The following VPS37A variants were observed in gnomAD, a reference collection of about 807,000 sequenced individuals.
VPS37A encodes VPS37A subunit of ESCRT-I.
In VPS37A, 30 loss-of-function variants were observed where a neutral mutation model predicts 49.8. The observed-to-expected ratio is 0.60, with a 90% confidence interval of 0.45 to 0.82. The LOEUF (loss-of-function observed/expected upper bound fraction) is 0.82. Among genes scored for constraint, VPS37A ranks in the 40% least tolerant of loss-of-function variants. VPS37A has a pLI of 0.00. For missense variants in VPS37A, 593 were observed against 464.4 expected, an observed-to-expected ratio of 1.28 and a Z score of -2.55; for synonymous variants, 195 against 160.6, an observed-to-expected ratio of 1.21 and a Z score of -1.62.
chr8:17,265,064 C>T (rs1295409287), intron 1 of VPS37A, among the ~76,000 whole-genome samples: 1 of 152,136 alleles, frequency 6.6e-6, no homozygotes, highest in Non-Finnish European at 1.5e-5. Flanking sequence ...AAAGCAAATT[C>T]AGAGTTTGAC....
intron 9 of VPS37A, among the ~76,000 whole-genome samples, chr8:17,281,698 C>G (rs907346377): frequency 6.6e-6 from 1 of 151,706 alleles, no homozygotes; most frequent in Admixed American, 6.6e-5. Flanking sequence ...AGTTGTTTAC[C>G]AAAAATAAAC....
intron 11 of VPS37A, among the ~76,000 whole-genome samples, chr8:17,293,346 T>A (rs2150433168): frequency 6.6e-6 from 1 of 152,184 alleles, no homozygotes; most frequent in South Asian, 2.1e-4. Context: ...ATTATTCTAG[T>A]TAGCAATTCT....
At chr8:17,254,142 C>T (rs1482092361) in intron 1 of VPS37A, among the ~76,000 whole-genome samples, 7 of 151,960 alleles carry the variant, frequency 4.6e-5, no homozygotes, top group African/African-American at 1.2e-4. Flanking sequence ...ATGACGTTCT[C>T]GTTTCTGTAT....
chr8:17,270,609 A>G (rs535055955), intron 4 of VPS37A, among the ~76,000 whole-genome samples: 1 of 152,010 alleles, frequency 6.6e-6, no homozygotes, highest in African/African-American at 2.4e-5. Flanking sequence ...AGTCACCTAG[A>G]TCCACCCAGA....
At position 17,296,451 on chromosome 8, in the gene VPS37A, T is replaced by A. The variant is rs1217145078; in HGVS notation, c.*1465T>A. 6.6e-6 allele frequency: 1 copy of A among 152,154 alleles called. No individual in the cohort carries two copies. Among genetic ancestry groups the A allele is most frequent in the African/African-American group, 2.4e-5 (1 of 41,440 alleles). 9.4% of individuals were successfully genotyped at this position (152,154 alleles called of 1,614,324 possible). ...AAATTTATGATAGTCTTTTGGGTATTCAGAAACCTTTCCTTATACTGCACT... is the reference window on the plus strand; with the variant it reads ...AAATTTATGATAGTCTTTTGGGTATACAGAAACCTTTCCTTATACTGCACT... On this transcript the variant is annotated 3_prime_UTR_variant, in exon 12 of 12. Coordinates refer to ENST00000324849, the MANE Select transcript of VPS37A (RefSeq NM_152415.3).
chr8:17,301,384 G>A (rs1016723630), downstream of VPS37A, among the ~76,000 whole-genome samples: 5 of 152,190 alleles, frequency 3.3e-5, no homozygotes, highest in African/African-American at 1.2e-4. Context: ...TGGACATTCT[G>A]GTGATAGCTA....
At chr8:17,304,409 A>G, downstream of VPS37A, 2 of 1,613,994 alleles carry the variant, frequency 1.2e-6, no homozygotes, top group Non-Finnish European at 1.7e-6. Flanking sequence ...TGTTGTAGGG[A>G]GATGAAGGGT....
rs3750251 is a variant in VPS37A at position 17,276,218 on chromosome 8, C to G, written c.643-179C>G. ...AAAAAGTAATCCTATGTATACGACG[C>G]TGAAAAGAAGACAGACTGAAGGAAG... is the stretch of plus-strand genomic sequence containing the variant. On this transcript the variant is annotated intron_variant, in intron 5 of 11. Coordinates refer to ENST00000324849, the MANE Select transcript of VPS37A (RefSeq NM_152415.3). Among the ~76,000 whole-genome samples the G allele has an allele frequency of 0.079, 12,012 of 151,936 alleles. 647 individuals are homozygous for G. Among genetic ancestry groups the G allele is most frequent in the South Asian group, 0.2 (966 of 4,816 alleles).
chr8:17,299,296 G>C (rs1050565315), downstream of VPS37A: 2 of 152,212 alleles, frequency 1.3e-5, no homozygotes, highest in African/African-American at 2.4e-5. Flanking sequence ...TATGCTCCAA[G>C]GAAAAGTTAA....
downstream of VPS37A, among the ~76,000 whole-genome samples, chr8:17,306,294 A>G (rs1294688921): frequency 1.3e-5 from 2 of 152,134 alleles, no homozygotes; most frequent in African/African-American, 4.8e-5. Context: ...TAAATGTTGC[A>G]CTTTATGAGC....
At chr8:17,302,238 C>A (rs766971895), downstream of VPS37A, 10 of 1,614,060 alleles carry the variant, frequency 6.2e-6, no homozygotes, top group East Asian at 2.0e-4. Flanking sequence ...ACTGTCGGGG[C>A]TGCATCCCCT....
At chr8:17,321,635 C>T in the VPS37A span, among the ~76,000 whole-genome samples, 10 of 152,258 alleles carry the variant, frequency 6.6e-5, no homozygotes, top group African/African-American at 2.4e-4. Flanking sequence ...TGGATAAACT[C>T]AGGATAAGGC....
At chr8:17,258,090 C>T (rs533849751) in intron 1 of VPS37A, among the ~76,000 whole-genome samples, 9 of 151,900 alleles carry the variant, frequency 5.9e-5, no homozygotes, top group Admixed American at 3.3e-4. Flanking sequence ...TTGTGTCATC[C>T]GCGAACAAGG....
chr8:17,267,424 A>G (rs1813571456), intron 2 of VPS37A, among the ~76,000 whole-genome samples: 1 of 151,898 alleles, frequency 6.6e-6, no homozygotes, highest in Admixed American at 6.6e-5. Context: ...TTCACTCACT[A>G]ATCTTGGTTT....
intron 11 of VPS37A, among the ~76,000 whole-genome samples, chr8:17,291,072 G>A (rs1412995688): frequency 6.6e-6 from 1 of 152,132 alleles, no homozygotes; most frequent in Non-Finnish European, 1.5e-5. Context: ...GGAGTGCATT[G>A]GTATGATCTT....
the VPS37A span, among the ~76,000 whole-genome samples, chr8:17,322,415 G>A: frequency 6.0e-4 from 91 of 152,302 alleles, no homozygotes; most frequent in African/African-American, 2.0e-3. Flanking sequence ...GAATTTTTGT[G>A]TCTAAAGACA....
intron 11 of VPS37A, among the ~76,000 whole-genome samples, chr8:17,287,381 A>T (rs1815703067): frequency 6.6e-6 from 1 of 152,046 alleles, no homozygotes; most frequent in African/African-American, 2.4e-5. Flanking sequence ...ATTCTTTTTT[A>T]AAATTTTTTC....
the VPS37A span, among the ~76,000 whole-genome samples, chr8:17,332,743 T>G: frequency 6.6e-6 from 1 of 152,246 alleles, no homozygotes; most frequent in Admixed American, 6.5e-5. Context: ...AGACTTGGCA[T>G]TGGCCCATGA....
chr8:17,332,090 AC>A, the VPS37A span, among the ~76,000 whole-genome samples: 504 of 152,306 alleles, frequency 3.3e-3, 4 homozygotes, highest in South Asian at 0.011. Flanking sequence ...GAATGTGTAA[AC>A]ATTCTTGCTA....
Sources: allele counts gnomAD v4.1 joint callset (sites outside exome capture counted in the v4.1 genomes callset), GRCh38; gene constraint gnomAD v4.1.1; transcripts MANE v1.5; gene names NCBI Gene and HGNC (gene_info 2026-07-23, HGNC 2026-07-21).